Variants in COMMD1 observed in about 807,000 individuals in gnomAD.
The protein encoded by COMMD1 is COMM domain-containing protein 1.
Under a neutral mutation model 17.2 loss-of-function variants are expected in COMMD1, and 10 were observed. The ratio of observed to expected loss-of-function variants is 0.58; its 90% confidence interval spans 0.36 to 0.99. The LOEUF is 0.99. Among genes scored for constraint, COMMD1 ranks in the 50% least tolerant of loss-of-function variants. The pLI, the probability that COMMD1 is intolerant of heterozygous loss-of-function variation, is 0.01. For missense variants in COMMD1, 270 were observed against 231.8 expected, an observed-to-expected ratio of 1.17 and a Z score of -1.07; for synonymous variants, 97 against 91.6, an observed-to-expected ratio of 1.06 and a Z score of -0.34.
At chr2:62,090,075 G>A (rs1671784356) in intron 2 of COMMD1, among the ~76,000 whole-genome samples, 3 of 152,100 alleles carry the variant, frequency 2.0e-5, no homozygotes, top group Non-Finnish European at 4.4e-5. Flanking sequence ...GATGGAGTCA[G>A]GCCTAGGGTT....
At chr2:62,118,464 A>G (rs1237932290) in intron 2 of COMMD1, among the ~76,000 whole-genome samples, 2 of 152,230 alleles carry the variant, frequency 1.3e-5, no homozygotes, top group Non-Finnish European at 1.5e-5. Context: ...GCATGAAGCT[A>G]TTTGAGTTAG....
chr2:62,101,621 A>G (rs10182257), intron 2 of COMMD1, among the ~76,000 whole-genome samples: 2 of 149,210 alleles, frequency 1.3e-5, no homozygotes, highest in Non-Finnish European at 3.0e-5. Context: ...CTCTCTCTCT[A>G]TATATATATA....
intron 2 of COMMD1, among the ~76,000 whole-genome samples, chr2:62,005,242 G>C (rs1669077721): frequency 6.6e-6 from 1 of 152,116 alleles, no homozygotes; most frequent in South Asian, 2.1e-4. Flanking sequence ...ATAGAACTTG[G>C]TATCATATTT....
intron 2 of COMMD1, among the ~76,000 whole-genome samples, chr2:62,097,077 CAG>C (rs1335263431): frequency 6.6e-6 from 1 of 152,166 alleles, no homozygotes; most frequent in African/African-American, 2.4e-5. Context: ...AAATCAGTAA[CAG>C]AGAAGTGGCT....
In COMMD1 at chr2:61,977,242, T is replaced by C. The variant is rs549843598; in HGVS notation, c.181-23459T>C. Among the ~76,000 whole-genome samples the C allele has an allele frequency of 5.1e-3, 379 of 75,036 alleles. 3 individuals carry two copies. Among genetic ancestry groups the C allele is most frequent in the African/African-American group, 0.029 (345 of 11,864 alleles). The allele number at this position is 75,036 out of a possible 152,430, so 49.2% of individuals were successfully genotyped here. ...AACTGCTGTAAAAAATAAAGTTTGC[T>C]TTTTTTTTTTTTTTTTTTTTTGAGA... is the stretch of plus-strand genomic sequence containing the variant. On this transcript the variant is annotated intron_variant, in intron 1 of 2. Transcript: ENST00000311832.
chr2:62,049,341 T>C (rs1051426988), intron 2 of COMMD1, among the ~76,000 whole-genome samples: 3 of 152,102 alleles, frequency 2.0e-5, no homozygotes, highest in Admixed American at 2.0e-4. Context: ...TATTGACATA[T>C]ATTGGCAGGC....
intron 2 of COMMD1, among the ~76,000 whole-genome samples, chr2:62,113,131 G>A (rs1672498773): frequency 6.6e-6 from 1 of 151,920 alleles, no homozygotes; most frequent in Non-Finnish European, 1.5e-5. Flanking sequence ...GGTCGCATGA[G>A]TCTGGGAGTT....
At chr2:61,974,971 T>G (rs1284686733) in intron 1 of COMMD1, among the ~76,000 whole-genome samples, 2 of 152,126 alleles carry the variant, frequency 1.3e-5, no homozygotes, top group African/African-American at 4.8e-5. Flanking sequence ...ACTGATCTCT[T>G]TACCGTCTTC....
chr2:62,069,926 T>A (rs1671154610), intron 2 of COMMD1: 1 of 152,228 alleles, frequency 6.6e-6, no homozygotes, highest in African/African-American at 2.4e-5. Flanking sequence ...TAGCAGTAAA[T>A]CTTCAACTTA....
intron 2 of COMMD1, among the ~76,000 whole-genome samples, chr2:62,072,546 C>T (rs372598754): frequency 6.6e-5 from 10 of 152,292 alleles, no homozygotes; most frequent in Admixed American, 2.0e-4. Flanking sequence ...TTCTTGGACA[C>T]GGGACAAGAA....
chr2:61,989,601 A>G (rs2103775243), intron 1 of COMMD1, among the ~76,000 whole-genome samples: 1 of 151,948 alleles, frequency 6.6e-6, no homozygotes, highest in African/African-American at 2.4e-5. Context: ...CTGGGATTAC[A>G]GGCATGTGCC....
chr2:62,001,354 C>T (rs964180846), intron 2 of COMMD1, among the ~76,000 whole-genome samples: 1 of 152,152 alleles, frequency 6.6e-6, no homozygotes, highest in Admixed American at 6.5e-5. Context: ...CAATCTCATC[C>T]AGTCATCTTT....
At chr2:61,955,843 G>A (rs899444012) in intron 1 of COMMD1, among the ~76,000 whole-genome samples, 2 of 151,860 alleles carry the variant, frequency 1.3e-5, no homozygotes, top group Admixed American at 6.6e-5. Flanking sequence ...CCACCACCAC[G>A]CCAGGCTAAT....
intron 2 of COMMD1, among the ~76,000 whole-genome samples, chr2:62,092,485 G>A (rs1312388444): frequency 6.6e-6 from 1 of 152,184 alleles, no homozygotes. Flanking sequence ...TCAAGTGCTT[G>A]TTTTAGGAGT....
chr2:62,027,005 C>T (rs1011191174), intron 2 of COMMD1, among the ~76,000 whole-genome samples: 49 of 151,958 alleles, frequency 3.2e-4, no homozygotes, highest in African/African-American at 1.2e-3. Flanking sequence ...TTGATACCAC[C>T]TGGTTTTGTA....
chr2:62,000,449 C>G (rs1369055953), intron 1 of COMMD1, among the ~76,000 whole-genome samples: 1 of 151,676 alleles, frequency 6.6e-6, no homozygotes, highest in African/African-American at 2.4e-5. Flanking sequence ...CACGCACAAC[C>G]ATGCCTGGCT....
chr2:62,082,374 A>T (rs372626177), intron 2 of COMMD1, among the ~76,000 whole-genome samples: 1 of 152,202 alleles, frequency 6.6e-6, no homozygotes, highest in East Asian at 1.9e-4. Context: ...CTCAAGTGGT[A>T]ATCCTGGCAC....
chr2:61,905,909 T>A (rs750593906), intron 1 of COMMD1, 51 bp downstream of exon 1: 1 of 1,589,084 alleles, frequency 6.3e-7, no homozygotes, highest in South Asian at 1.1e-5. Context: ...CCTTGGCCGC[T>A]GGCTTCAGAC....
chr2:61,906,910 C>A (rs539926647), intron 1 of COMMD1, among the ~76,000 whole-genome samples: 6 of 152,070 alleles, frequency 3.9e-5, no homozygotes, highest in Non-Finnish European at 8.8e-5. Flanking sequence ...CTTTAAAAGG[C>A]ACTTCTGTAT....
Sources: gnomAD v4.1 joint callset for allele counts (sites outside exome capture counted in the v4.1 genomes callset) on GRCh38, gnomAD v4.1.1 for gene constraint, MANE v1.5 for transcripts, NCBI Gene and HGNC (gene_info 2026-07-23, HGNC 2026-07-21) for gene names.